The following CGNL1 variants were observed in gnomAD, a reference collection of about 807,000 sequenced individuals.
CGNL1 encodes the protein cingulin-like protein 1.
A neutral mutation model predicts 141.2 loss-of-function variants in CGNL1; 132 were observed. The ratio of observed to expected loss-of-function variants is 0.93; its 90% CI spans 0.81 to 1.08. The LOEUF is 1.08. CGNL1 is among the 50% of genes least tolerant of loss of function. CGNL1 has a pLI of 0.00. For missense variants in CGNL1, 1,870 were observed against 1,588.6 expected (o/e 1.18, Z -3.01); for synonymous variants, 690 against 622.1 (o/e 1.11, Z -1.63).
chr15:57,510,433 T>G (rs901053264), intron 8 of CGNL1, among the ~76,000 whole-genome samples: 2 of 152,176 alleles, frequency 1.3e-5, no homozygotes, highest in African/African-American at 4.8e-5. Flanking sequence ...AGAAGCATTT[T>G]TAGAAGTATA....
intron 3 of CGNL1, among the ~76,000 whole-genome samples, chr15:57,441,816 A>G (rs8034215): frequency 0.24 from 36,771 of 152,024 alleles, 4,634 homozygotes; most frequent in East Asian, 0.27. Flanking sequence ...GTAGAAGTTA[A>G]TAAAACTTAG....
At chr15:57,378,854 A>G (rs2062395396) in intron 1 of CGNL1, among the ~76,000 whole-genome samples, 1 of 152,102 alleles carries the variant, frequency 6.6e-6, no homozygotes, top group Admixed American at 6.5e-5. Context: ...CCCAACTTCC[A>G]CGACCATGCT....
chr15:57,514,232 A>G (rs1041130501), intron 8 of CGNL1, among the ~76,000 whole-genome samples: 2 of 151,974 alleles, frequency 1.3e-5, no homozygotes, highest in African/African-American at 2.4e-5. Context: ...GCTCACTGCA[A>G]TCTCTGCCTC....
At chr15:57,470,195 A>C (rs1267082891) in intron 8 of CGNL1, among the ~76,000 whole-genome samples, 1 of 151,580 alleles carries the variant, frequency 6.6e-6, no homozygotes, top group Admixed American at 6.6e-5. Context: ...GGAACTTTCC[A>C]TAGGCAAAAG....
chr15:57,517,047 G>A, intron 9 of CGNL1, 61 bp downstream of exon 9: 1 of 1,504,914 alleles, frequency 6.6e-7, no homozygotes, highest in Non-Finnish European at 9.1e-7. Flanking sequence ...TCCTGTGTAA[G>A]TGATTTCAAA....
chr15:57,488,165 T>C (rs1460675415), intron 8 of CGNL1, among the ~76,000 whole-genome samples: 5 of 152,210 alleles, frequency 3.3e-5, no homozygotes, highest in Non-Finnish European at 4.4e-5. Flanking sequence ...ATATCAAGTA[T>C]CTTTTCATGT....
At chr15:57,459,650 C>T (rs2063421713) in intron 7 of CGNL1, among the ~76,000 whole-genome samples, 1 of 152,086 alleles carries the variant, frequency 6.6e-6, no homozygotes, top group Non-Finnish European at 1.5e-5. Context: ...AAACCACCTG[C>T]ACAGGAGGTG....
In CGNL1 at chr15:57,442,182, G is replaced by GGAAAAAAAAAAAAAAAAA. The variant is rs1491455852; in HGVS notation, c.1698-191_1698-190insGAAAAAAAAAAAAAAAAA. Among the ~76,000 whole-genome samples, 18 of 96,490 alleles carry GGAAAAAAAAAAAAAAAAA rather than the reference G, an allele frequency of 1.9e-4. 1 individual carries two copies. Among genetic ancestry groups the GGAAAAAAAAAAAAAAAAA allele is most frequent in the Middle Eastern group, 5.5e-3 (1 of 182 alleles). 63.3% of individuals were successfully genotyped at this position (96,490 alleles called of 152,430 possible). On this transcript the variant is annotated intron_variant, in intron 3 of 18. Transcript: ENST00000281282. The stretch of plus-strand genomic sequence containing the variant: ...TTGAGTGGTAACACATCATTTATTT[G>GGAAAAAAAAAAAAAAAAA]AAAAAAAAAAAAAAAAAAAAAGACA...
chr15:57,452,743 G>C (rs192463177), intron 6 of CGNL1, among the ~76,000 whole-genome samples: 24 of 152,292 alleles, frequency 1.6e-4, no homozygotes, highest in Non-Finnish European at 3.1e-4. Flanking sequence ...GAGAAGGAAA[G>C]TTAGGTCCAA....
chr15:57,399,518 A>G (rs1227247083), intron 1 of CGNL1, among the ~76,000 whole-genome samples: 1 of 148,340 alleles, frequency 6.7e-6, no homozygotes, highest in Non-Finnish European at 1.5e-5. Flanking sequence ...AGGCTTAATC[A>G]CCTGAAGACC....
In CGNL1 at chr15:57,440,297, C is replaced by T. The variant is rs1277845143; in HGVS notation, c.1603-80C>T. The T allele has an allele frequency of 3.1e-6, 3 of 982,470 alleles. No individual in the cohort carries two copies. In the African/African-American group the frequency reaches 4.9e-5, roughly 16 times the overall value. The allele number at this position is 982,470 out of a possible 1,614,324, so 60.9% of individuals were successfully genotyped here. A position where few individuals can be genotyped will look rare whatever the true frequency, so the allele number is the denominator to read the frequency against. On this transcript the variant is annotated intron_variant, in intron 2 of 18. Transcript: ENST00000281282. ...GTTGTAACTGGCTCTAAGAAGGATG[C>T]TCACTGGAGGAATTGTTTGGTGTTT...
chr15:57,381,975 G>C (rs2062430149), intron 1 of CGNL1, among the ~76,000 whole-genome samples: 1 of 152,212 alleles, frequency 6.6e-6, no homozygotes, highest in Non-Finnish European at 1.5e-5. Flanking sequence ...TCCTAGGTTA[G>C]AGAGACGTGA....
intron 8 of CGNL1, among the ~76,000 whole-genome samples, chr15:57,480,322 C>T (rs949342534): frequency 1.5e-5 from 2 of 132,812 alleles, no homozygotes; most frequent in Admixed American, 1.4e-4. Context: ...GTTTGAGACC[C>T]GCCTGGCCAA....
At chr15:57,499,278 C>CTG (rs2063988437) in intron 8 of CGNL1, among the ~76,000 whole-genome samples, 1 of 128,326 alleles carries the variant, frequency 7.8e-6, no homozygotes, top group Non-Finnish European at 1.6e-5. Flanking sequence ...CGGAGTCTCA[C>CTG]TGTGTCACCC....
At chr15:57,422,580 C>T (rs1372943905) in intron 1 of CGNL1, among the ~76,000 whole-genome samples, 1 of 152,172 alleles carries the variant, frequency 6.6e-6, no homozygotes, top group Admixed American at 6.5e-5. Flanking sequence ...TGGTTTTGGA[C>T]AGCATAGTTC....
chr15:57,485,777 C>T lies in CGNL1; in HGVS notation c.2403+23885C>T, dbSNP rs114929090. On this transcript the variant is annotated intron_variant, in intron 8 of 18. Transcript: ENST00000281282. Reference sequence around the variant, plus strand: ...TTTTGACACCACCTTTTTCCTCTCTCACAATACATTTGGAGGATCTTTTCA... The same window carrying T: ...TTTTGACACCACCTTTTTCCTCTCTTACAATACATTTGGAGGATCTTTTCA... Among the ~76,000 whole-genome samples, 1,352 of 152,292 alleles carry T rather than the reference C, an allele frequency of 8.9e-3. 21 individuals are homozygous for T. The highest frequency in any genetic ancestry group is 0.031 in the African/African-American group (1,285 of 41,560).
chr15:57,500,614 A>C (rs1463500613), intron 8 of CGNL1, among the ~76,000 whole-genome samples: 3 of 151,428 alleles, frequency 2.0e-5, no homozygotes, highest in Non-Finnish European at 4.4e-5. Flanking sequence ...CCAGAGAACT[A>C]TCAGTTTTGT....
intron 2 of CGNL1, among the ~76,000 whole-genome samples, chr15:57,439,980 T>C (rs181179105): frequency 6.6e-6 from 1 of 152,246 alleles, no homozygotes; most frequent in East Asian, 1.9e-4. Flanking sequence ...TAAAATTGAG[T>C]GACTGGGTTA....
rs1032107683 is a variant in CGNL1, at chr15:57,385,503, A to G, written c.-16+8936A>G. On this transcript the variant is annotated intron_variant, in intron 1 of 18. Transcript: ENST00000281282. ...TCCAGCCTGGGTGACAGAGAAAAAT[A>G]AAGTAGTTTCATCTCCTGTATTTTC... is the stretch of plus-strand genomic sequence containing the variant. Among the ~76,000 whole-genome samples the G allele has an allele frequency of 2.0e-5, 3 of 152,310 alleles. No individual in the cohort carries two copies. The South Asian group carries it at 6.2e-4, about 32-fold the overall frequency.
Sources: allele counts gnomAD v4.1 joint callset (sites outside exome capture counted in the v4.1 genomes callset), GRCh38; gene constraint gnomAD v4.1.1; transcripts MANE v1.5; gene names NCBI Gene and HGNC (gene_info 2026-07-23, HGNC 2026-07-21).